DNAH5: variants seen among roughly 807,000 people sequenced by gnomAD.
The protein encoded by DNAH5 is axonemal beta dynein heavy chain 5.
DNAH5 carries 372 observed loss-of-function variants against 518.2 expected under a neutral mutation model. The ratio of observed to expected loss-of-function variants is 0.72; its 90% CI spans 0.66 to 0.78. DNAH5 has a LOEUF of 0.78. DNAH5 is among the 30% of genes least tolerant of loss of function. DNAH5 has a pLI of 0.00. For synonymous variants in DNAH5, 2,039 were observed against 2,025.9 expected (o/e 1.01, Z -0.17); for missense variants, 5,523 against 5,687.0 (o/e 0.97, Z 0.93).
At chr5:14,000,325 C>T (rs895222150) in intron 1 of DNAH5, among the ~76,000 whole-genome samples, 1 of 152,202 alleles carries the variant, frequency 6.6e-6, no homozygotes, top group Admixed American at 6.5e-5. Context: ...GGGAGCAAGG[C>T]CCGGAAAAAG....
intron 52 of DNAH5, among the ~76,000 whole-genome samples, chr5:13,783,793 C>T (rs558578712): frequency 6.6e-6 from 1 of 152,294 alleles, no homozygotes; most frequent in East Asian, 1.9e-4. Flanking sequence ...TGGCTTCTAT[C>T]GTGCCTTGTA....
intron 4 of DNAH5, among the ~76,000 whole-genome samples, chr5:13,922,574 A>G (rs980986237): frequency 6.6e-6 from 1 of 151,906 alleles, no homozygotes; most frequent in African/African-American, 2.4e-5. Flanking sequence ...TAAACATACA[A>G]AAATTAGGCT....
At chr5:13,940,397 C>A (rs1779349833) in intron 1 of DNAH5, among the ~76,000 whole-genome samples, 1 of 152,120 alleles carries the variant, frequency 6.6e-6, no homozygotes, top group South Asian at 2.1e-4. Flanking sequence ...ATGGCCCTTA[C>A]CCATATGCTA....
chr5:13,832,659 C>A (rs1204494026), intron 35 of DNAH5, among the ~76,000 whole-genome samples: 2 of 152,198 alleles, frequency 1.3e-5, no homozygotes, highest in Non-Finnish European at 2.9e-5. Context: ...CGGTCAGGAG[C>A]TAGGTTTGGT....
intron 35 of DNAH5, among the ~76,000 whole-genome samples, chr5:13,838,229 C>A (rs6867165): frequency 0.061 from 9,243 of 152,218 alleles, 352 homozygotes; most frequent in African/African-American, 0.1. Context: ...CCTGCAAGCA[C>A]CCTTAGAGAC....
At chr5:13,798,773 TTTA>T (rs1758257309) in intron 47 of DNAH5, among the ~76,000 whole-genome samples, 1 of 149,778 alleles carries the variant, frequency 6.7e-6, no homozygotes, top group South Asian at 2.1e-4. Flanking sequence ...TATTTATTTA[TTTA>T]TTTATTTATT....
chr5:13,897,581 C>T (rs1774062501), intron 15 of DNAH5: 1 of 152,212 alleles, frequency 6.6e-6, no homozygotes, highest in South Asian at 2.1e-4. Flanking sequence ...TTCTCAGCTA[C>T]TTTGGCATAT....
intron 1 of DNAH5, among the ~76,000 whole-genome samples, chr5:13,974,137 T>C (rs1231574505): frequency 6.7e-6 from 1 of 150,234 alleles, no homozygotes; most frequent in Non-Finnish European, 1.5e-5. Context: ...TTTTTTCTTT[T>C]CTTTTCTTTT....
Position 13,808,933 on chromosome 5 carries a change from C to G in DNAH5, c.7752+111G>C. 6 of 1,373,766 alleles carry G rather than the reference C, an allele frequency of 4.4e-6. No individual in the cohort carries two copies. In the South Asian group the frequency reaches 7.1e-5, roughly 16 times the overall value. The allele number at this position is 1,373,766 out of a possible 1,614,324, so 85.1% of individuals were successfully genotyped here. On this transcript the variant is annotated intron_variant, in intron 46 of 78. Transcript: ENST00000265104. The stretch of plus-strand genomic sequence containing the variant: ...CGAGATCGCGCCACTGCACTCCAGC[C>G]TGGGCGACAGAGTGAGACTCCGTCT...
chr5:13,718,422 G>A (rs139693547), intron 72 of DNAH5, among the ~76,000 whole-genome samples: 1 of 152,282 alleles, frequency 6.6e-6, no homozygotes, highest in African/African-American at 2.4e-5. Context: ...AGCGACCTCA[G>A]CCCCAGTCAT....
intron 45 of DNAH5, 23 bp downstream of exon 45, chr5:13,810,036 T>C: frequency 6.5e-7 from 1 of 1,549,506 alleles, no homozygotes; most frequent in Non-Finnish European, 8.7e-7. Context: ...ATGGGTTCCG[T>C]CTGGACGGGC....
intron 68 of DNAH5, 146 bp downstream of exon 68, chr5:13,734,985 A>G (rs1045370865): frequency 3.9e-6 from 3 of 767,234 alleles, no homozygotes; most frequent in Admixed American, 2.1e-5. Context: ...TTATCACTCA[A>G]GAAAAGAACA....
At chr5:13,811,610 A>G in intron 44 of DNAH5, 37 bp downstream of exon 44, 1 of 1,596,428 alleles carries the variant, frequency 6.3e-7, no homozygotes, top group Non-Finnish European at 8.6e-7. Flanking sequence ...GGCTAAGTTG[A>G]TAAGAGAGAA....
chr5:13,850,211 C>A (rs925081995), intron 31 of DNAH5, among the ~76,000 whole-genome samples: 8 of 152,180 alleles, frequency 5.3e-5, no homozygotes, highest in African/African-American at 1.9e-4. Context: ...TCTTGGAATT[C>A]ACAACGCTTC....
rs959549108 is a variant in DNAH5, at chr5:13,690,885, C to A, written c.*1099G>T. ...TCCTGATCATCACATTTTTTCAAGC[C>A]AACTATAATTCTTGCTATCACATCT... On this transcript the variant is annotated 3_prime_UTR_variant, in exon 79 of 79. Coordinates refer to ENST00000265104, the MANE Select transcript of DNAH5 (RefSeq NM_001369.3). The A allele has an allele frequency of 1.3e-5, 2 of 152,004 alleles. No individual in the cohort carries two copies. Among genetic ancestry groups the A allele is most frequent in the African/African-American group, 4.8e-5 (2 of 41,396 alleles). The allele number at this position is 152,004 out of a possible 1,614,324, so 9.4% of individuals were successfully genotyped here. A position where few individuals can be genotyped will look rare whatever the true frequency, so the allele number is the denominator to read the frequency against.
chr5:13,700,831 A>T lies in DNAH5; in HGVS notation c.13532T>A (p.Met4511Lys). 1.9e-6 allele frequency: 3 copies of T among 1,614,172 alleles called. No homozygotes were observed. The highest frequency in any genetic ancestry group is 2.5e-6 in the Non-Finnish European group (3 of 1,180,000). The change falls in exon 78 of 79, where the codon ATG becomes AAG. Residue 4511 changes from methionine to lysine, a missense_variant. Physicochemically the swap from Met to Lys is moderately conservative, Grantham distance 95. Coordinates refer to ENST00000265104, the MANE Select transcript of DNAH5 (RefSeq NM_001369.3). ...TTTGGTGACTTCATTGCAAAGCACC[A>T]TATTGTCCAGAGCCCAGCCTTTGTT... ...RANKGWALDNMVLCNEVTKWM... is the reference protein window; with the variant it reads ...RANKGWALDNKVLCNEVTKWM...
chr5:13,808,386 G>C (rs1179376617), intron 46 of DNAH5, among the ~76,000 whole-genome samples: 1 of 152,116 alleles, frequency 6.6e-6, no homozygotes, highest in African/African-American at 2.4e-5. Flanking sequence ...CTCCAGAACA[G>C]AGAGAAAAGA....
intron 22 of DNAH5, 66 bp downstream of exon 22, chr5:13,876,618 T>C: frequency 5.0e-6 from 8 of 1,584,398 alleles, no homozygotes; most frequent in Non-Finnish European, 6.9e-6. Context: ...AACTTTGTGA[T>C]GTTCACTTTC....
chr5:13,814,958 T>A, intron 42 of DNAH5, 112 bp from the exon 43 acceptor site: 2 of 1,050,568 alleles, frequency 1.9e-6, no homozygotes, highest in Non-Finnish European at 2.8e-6. Context: ...TTTTCATTAA[T>A]TTTTAAATAT....
Sources: gnomAD v4.1 joint callset for allele counts (sites outside exome capture counted in the v4.1 genomes callset) on GRCh38, gnomAD v4.1.1 for gene constraint, MANE v1.5 for transcripts, NCBI Gene and HGNC (gene_info 2026-07-23, HGNC 2026-07-21) for gene names.